CCDC150: variants seen among roughly 807,000 people sequenced by gnomAD.
CCDC150 encodes coiled-coil domain-containing protein 150.
Under a neutral mutation model 156.5 loss-of-function variants are expected in CCDC150, and 151 were observed. The ratio of observed to expected loss-of-function variants is 0.97; its 90% CI spans 0.85 to 1.10. The LOEUF is 1.10. Ranked by LOEUF, CCDC150 falls within the 50% of genes least tolerant of loss-of-function variation. The pLI, the probability that CCDC150 is intolerant of heterozygous loss-of-function variation, is 0.00. For missense variants in CCDC150, 1,312 were observed against 1,268.1 expected, an observed-to-expected ratio of 1.03 and a Z score of -0.53; for synonymous variants, 452 against 429.4, an observed-to-expected ratio of 1.05 and a Z score of -0.65.
Position 196,730,086 on chromosome 2 carries a change from A to G in CCDC150, c.2950A>G (p.Lys984Glu). 1 of 1,611,088 alleles carries G rather than the reference A, an allele frequency of 6.2e-7. No homozygotes were observed. Among genetic ancestry groups the G allele is most frequent in the Non-Finnish European group, 8.5e-7 (1 of 1,178,894 alleles). ...QQELHLEAERKIRQELENRCQ... is the reference protein window; with the variant it reads ...QQELHLEAEREIRQELENRCQ... ...AGAGCTGCACCTAGAAGCAGAGCGG[A>G]AAATAAGGCAGGAGCTAGAGAATCG... is the stretch of plus-strand genomic sequence containing the variant. The change falls in exon 25 of 28, where the codon AAA becomes GAA. Residue 984 changes from lysine (K) to glutamate (E), a missense_variant. Coordinates refer to ENST00000389175, the MANE Select transcript of CCDC150 (RefSeq NM_001080539.2).
chr2:196,667,454 A>G (rs1693914602), intron 7 of CCDC150: 1 of 155,352 alleles, frequency 6.4e-6, no homozygotes, highest in African/African-American at 2.4e-5. Flanking sequence ...CTTTTATCAT[A>G]CTACTGTTGC....
chr2:196,645,821 T>C (rs907088406), intron 1 of CCDC150, among the ~76,000 whole-genome samples: 1 of 152,226 alleles, frequency 6.6e-6, no homozygotes, highest in African/African-American at 2.4e-5. Flanking sequence ...TTATGGCAAC[T>C]GTACAGAGGT....
rs753958693 is a variant in CCDC150 at position 196,656,815 on chromosome 2, G to A, written c.359G>A (p.Arg120Gln). 9 of 1,613,810 alleles carry A rather than the reference G, an allele frequency of 5.6e-6. No individual in the cohort carries two copies. Among genetic ancestry groups the A allele is most frequent in the African/African-American group, 1.3e-5 (1 of 75,008 alleles). ...LMQSLKMNIF[R>Q]LQTEKDLNPQ... ...CAGTCCTTGAAGATGAACATCTTTCGGCTGCAAACTGAAAAGGATTTGAAT... is the reference window on the plus strand; with the variant it reads ...CAGTCCTTGAAGATGAACATCTTTCAGCTGCAAACTGAAAAGGATTTGAAT... The change falls in exon 3 of 28, where the codon CGG (arginine) becomes CAG (glutamine). Residue 120 changes from arginine (R) to glutamine (Q), a missense_variant. Coordinates refer to ENST00000389175, the MANE Select transcript of CCDC150 (RefSeq NM_001080539.2).
At chr2:196,673,864 T>C (rs1694347735) in intron 9 of CCDC150, among the ~76,000 whole-genome samples, 1 of 152,178 alleles carries the variant, frequency 6.6e-6, no homozygotes, top group Non-Finnish European at 1.5e-5. Flanking sequence ...TATTTTGTGT[T>C]ACCAGCTAAA....
At chr2:196,671,510 C>T (rs1337565878) in intron 8 of CCDC150, among the ~76,000 whole-genome samples, 3 of 150,278 alleles carry the variant, frequency 2.0e-5, no homozygotes, top group African/African-American at 7.3e-5. Flanking sequence ...TCACTGCAAC[C>T]TCCACCTCCT....
At chr2:196,730,833 TA>T in intron 25 of CCDC150, 25 bp from the exon 26 acceptor site, 1 of 1,539,780 alleles carries the variant, frequency 6.5e-7, no homozygotes, top group African/African-American at 1.4e-5. Flanking sequence ...TGGAAGTTTA[TA>T]AAAATCTTTG....
In CCDC150 at chr2:196,656,873, C is replaced by T. The variant is rs1575764937; in HGVS notation, c.397+20C>T. On this transcript the variant is annotated intron_variant, in intron 3 of 27. Coordinates refer to ENST00000389175, the MANE Select transcript of CCDC150 (RefSeq NM_001080539.2). ...AAACAGGTATAGAGATAAGAATCATCAGAAATGTGGTCCTGTATAGGTGCT... is the reference window on the plus strand; with the variant it reads ...AAACAGGTATAGAGATAAGAATCATTAGAAATGTGGTCCTGTATAGGTGCT... 1 of 1,612,408 alleles carries T rather than the reference C, an allele frequency of 6.2e-7. No homozygotes were observed. The highest frequency in any genetic ancestry group is 8.5e-7 in the Non-Finnish European group (1 of 1,178,702).
Position 196,732,507 on chromosome 2 carries a change from A to G in CCDC150, c.3251A>G (p.Lys1084Arg). ...TCTGTTCTGCATCGATGGGAGAGAA[A>G]ACAGAATCTTAGGCCCATGCCCAAG... ...NQSVLHRWERKQNLRPMPKKY... is the reference protein window; with the variant it reads ...NQSVLHRWERRQNLRPMPKKY... The change falls in exon 28 of 28, where the codon AAA becomes AGA. Residue 1084 changes from lysine (K) to arginine (R), a missense_variant. By Grantham distance (26) the Lys-to-Arg change is conservative (BLOSUM62 2). Coordinates refer to ENST00000389175, the MANE Select transcript of CCDC150 (RefSeq NM_001080539.2). The G allele has an allele frequency of 6.2e-7, 1 of 1,613,894 alleles. No homozygotes were observed. The highest frequency in any genetic ancestry group is 1.6e-4 in the Middle Eastern group (1 of 6,062).
rs562973649 is a variant in CCDC150 at position 196,670,509 on chromosome 2, T to C, written c.936+633T>C. ...CTTTTAGGGAAAGCCCCACCTACAA[T>C]GCACATCTGTATCACTTCTCTCATC... On this transcript the variant is annotated intron_variant, in intron 8 of 27. Transcript: ENST00000389175. Among the ~76,000 whole-genome samples the C allele has an allele frequency of 2.0e-5, 3 of 152,002 alleles. No homozygotes were observed. The South Asian group carries it at 6.2e-4, about 32-fold the overall frequency.
intron 17 of CCDC150, among the ~76,000 whole-genome samples, chr2:196,716,231 C>T (rs1238521904): frequency 6.6e-6 from 1 of 152,188 alleles, no homozygotes; most frequent in African/African-American, 2.4e-5. Flanking sequence ...CATACTACCA[C>T]CATATGACCC....
At chr2:196,718,352 C>T (rs999842105) in intron 17 of CCDC150, 151 bp from the exon 18 acceptor site, 4 of 495,320 alleles carry the variant, frequency 8.1e-6, no homozygotes, top group Admixed American at 3.8e-5. Flanking sequence ...TTGTAGTTTC[C>T]TTTAAAGGAA....
chr2:196,704,289 C>CAGT (rs1186050328), intron 15 of CCDC150, among the ~76,000 whole-genome samples: 1 of 152,120 alleles, frequency 6.6e-6, no homozygotes, highest in Non-Finnish European at 1.5e-5. Context: ...CAGTGCTGTA[C>CAGT]AGTATTCCAT....
intron 5 of CCDC150, among the ~76,000 whole-genome samples, chr2:196,665,087 C>G (rs190051441): frequency 6.6e-6 from 1 of 152,102 alleles, no homozygotes; most frequent in African/African-American, 2.4e-5. Flanking sequence ...AAAATAAAGT[C>G]AGAAAATATA....
chr2:196,642,387 G>A (rs1692281276), intron 1 of CCDC150, among the ~76,000 whole-genome samples: 1 of 152,178 alleles, frequency 6.6e-6, no homozygotes, highest in Non-Finnish European at 1.5e-5. Flanking sequence ...GGTGTGGGTG[G>A]CATTTCTGCT....
intron 14 of CCDC150, among the ~76,000 whole-genome samples, chr2:196,696,801 A>G (rs1245209620): frequency 2.0e-5 from 3 of 152,200 alleles, no homozygotes; most frequent in Non-Finnish European, 2.9e-5. Context: ...TTGTTCTTTG[A>G]GAGTAAAAAC....
At chr2:196,657,450 A>G (rs1488278212) in intron 4 of CCDC150, 5 of 234,172 alleles carry the variant, frequency 2.1e-5, no homozygotes, top group Middle Eastern at 1.5e-3. Flanking sequence ...AAGCTACAGC[A>G]TGAGAAATTA....
At chr2:196,646,279 G>A (rs1692532367) in intron 1 of CCDC150, 62 bp from the exon 2 acceptor site, 1 of 1,464,540 alleles carries the variant, frequency 6.8e-7, no homozygotes. Flanking sequence ...CACAGGAATG[G>A]CAGTGACTAT....
intron 23 of CCDC150, 99 bp from the exon 24 acceptor site, chr2:196,729,694 G>C: frequency 1.2e-6 from 1 of 818,938 alleles, no homozygotes; most frequent in Non-Finnish European, 1.9e-6. Flanking sequence ...TGGTAACTTT[G>C]GGTCTCATAT....
intron 21 of CCDC150, among the ~76,000 whole-genome samples, chr2:196,722,196 A>G (rs918555408): frequency 3.3e-5 from 5 of 152,238 alleles, no homozygotes; most frequent in Non-Finnish European, 7.3e-5. Flanking sequence ...ATACCTCGGT[A>G]AATATTTAGA....
Sources: gnomAD v4.1 joint callset for allele counts (sites outside exome capture counted in the v4.1 genomes callset) on GRCh38, gnomAD v4.1.1 for gene constraint, MANE v1.5 for transcripts, NCBI Gene and HGNC (gene_info 2026-07-23, HGNC 2026-07-21) for gene names.